The following GMDS variants were observed in gnomAD, a reference collection of about 807,000 sequenced individuals.
GMDS encodes the protein GDP-mannose 4,6 dehydratase.
A neutral mutation model predicts 49.9 loss-of-function variants in GMDS; 20 were observed. The observed-to-expected ratio is 0.40, with a 90% CI of 0.28 to 0.58. GMDS has a LOEUF of 0.58. Ranked by LOEUF, GMDS falls within the 20% of genes least tolerant of loss-of-function variation. The probability of loss-of-function intolerance (pLI) is 0.42; values close to 1 mark genes in which losing one functional copy is unlikely to be tolerated. For missense variants in GMDS, 362 were observed against 481.4 expected, an observed-to-expected ratio of 0.75 and a Z score of 2.32; for synonymous variants, 177 against 178.6, an observed-to-expected ratio of 0.99 and a Z score of 0.07.
chr6:1,713,154 T>C (rs1490223681), intron 9 of GMDS, among the ~76,000 whole-genome samples: 2 of 152,254 alleles, frequency 1.3e-5, no homozygotes, highest in Non-Finnish European at 2.9e-5. Flanking sequence ...CTCTGTTTTA[T>C]GTTTTGCCAA....
At chr6:2,049,115 C>T (rs764498395) in intron 4 of GMDS, among the ~76,000 whole-genome samples, 41 of 152,286 alleles carry the variant, frequency 2.7e-4, no homozygotes, top group African/African-American at 5.8e-4. Context: ...TGTGACTTCC[C>T]GGCCTCCAGA....
chr6:2,120,313 G>GGA (rs1775071133), intron 2 of GMDS, among the ~76,000 whole-genome samples: 1 of 152,028 alleles, frequency 6.6e-6, no homozygotes, highest in Non-Finnish European at 1.5e-5. Context: ...ACTCAGTATA[G>GGA]TTTCAACATG....
intron 7 of GMDS, among the ~76,000 whole-genome samples, chr6:1,851,223 T>C (rs900612640): frequency 6.6e-6 from 1 of 152,206 alleles, no homozygotes; most frequent in African/African-American, 2.4e-5. Context: ...TTTAGAAAAC[T>C]TGTATGTTTG....
At position 1,969,226 on chromosome 6, in the gene GMDS, C is replaced by T. The variant is rs1265308350; in HGVS notation, c.346-8260G>A. ...GCAGTGAGCTGAGATTGTGCCACTG[C>T]ACTCCAGCCTGGGTGACAGAGTGAG... On this transcript the variant is annotated intron_variant, in intron 4 of 10. Coordinates refer to ENST00000380815, the MANE Select transcript of GMDS (RefSeq NM_001500.4). Among the ~76,000 whole-genome samples, 20 of 115,820 alleles carry T rather than the reference C, an allele frequency of 1.7e-4. No homozygotes were observed. The South Asian group carries it at 4.4e-3, about 26-fold the overall frequency. The allele number at this position is 115,820 out of a possible 152,430, so 76.0% of individuals were successfully genotyped here. A position where few individuals can be genotyped will look rare whatever the true frequency, so the allele number is the denominator to read the frequency against.
intron 7 of GMDS, among the ~76,000 whole-genome samples, chr6:1,758,557 T>G (rs940524716): frequency 6.6e-6 from 1 of 152,212 alleles, no homozygotes; most frequent in Non-Finnish European, 1.5e-5. Context: ...AGGCTAGAAG[T>G]GTGCACTGCA....
At chr6:1,717,424 T>C (rs148272520) in intron 9 of GMDS, 1 of 152,366 alleles carries the variant, frequency 6.6e-6, no homozygotes, top group African/African-American at 2.4e-5. Flanking sequence ...GGCTGCTCTC[T>C]AGCCTACTGG....
At chr6:1,907,871 C>T (rs542264666) in intron 7 of GMDS, among the ~76,000 whole-genome samples, 4 of 152,140 alleles carry the variant, frequency 2.6e-5, no homozygotes, top group Non-Finnish European at 5.9e-5. Context: ...TTCCAAAGTC[C>T]CCGGTGGATA....
intron 2 of GMDS, among the ~76,000 whole-genome samples, chr6:2,118,638 A>G (rs1254195121): frequency 6.6e-6 from 1 of 152,224 alleles, no homozygotes; most frequent in Non-Finnish European, 1.5e-5. Flanking sequence ...CGAAGGATAC[A>G]ACACACCCAC....
intron 7 of GMDS, among the ~76,000 whole-genome samples, chr6:1,927,098 G>A (rs926417940): frequency 6.1e-5 from 8 of 130,186 alleles, no homozygotes; most frequent in Admixed American, 7.9e-5. Context: ...TTTTTATTCA[G>A]AGGGTAGCGT....
At chr6:2,204,939 T>C (rs983267955) in intron 1 of GMDS, among the ~76,000 whole-genome samples, 5 of 152,220 alleles carry the variant, frequency 3.3e-5, no homozygotes, top group Admixed American at 2.6e-4. Flanking sequence ...ATGAATACCA[T>C]TTGTTTCTGT....
intron 4 of GMDS, among the ~76,000 whole-genome samples, chr6:1,967,833 C>T (rs1764356051): frequency 6.6e-6 from 1 of 152,080 alleles, no homozygotes; most frequent in Non-Finnish European, 1.5e-5. Flanking sequence ...AAACAGATAC[C>T]CAAAGAATTG....
intron 9 of GMDS, among the ~76,000 whole-genome samples, chr6:1,644,932 T>C (rs79420634): frequency 9.1e-6 from 1 of 109,764 alleles, no homozygotes; most frequent in African/African-American, 4.9e-5. Context: ...CTCTGGTCCT[T>C]TTTTTTTTTT....
chr6:1,917,238 C>T (rs1320153474), intron 7 of GMDS, among the ~76,000 whole-genome samples: 1 of 152,124 alleles, frequency 6.6e-6, no homozygotes, highest in Non-Finnish European at 1.5e-5. Context: ...AAAAATCTCA[C>T]AAGAATGACT....
chr6:2,019,032 A>G (rs1203051655), intron 4 of GMDS, among the ~76,000 whole-genome samples: 1 of 151,954 alleles, frequency 6.6e-6, no homozygotes, highest in Non-Finnish European at 1.5e-5. Flanking sequence ...ACCCCAGTAG[A>G]TGTGAAATGT....
At chr6:1,724,981 A>G (rs547468615) in intron 9 of GMDS, among the ~76,000 whole-genome samples, 1 of 152,318 alleles carries the variant, frequency 6.6e-6, no homozygotes, top group African/African-American at 2.4e-5. Context: ...CATGAAATAC[A>G]GTTTTTTCCT....
intron 9 of GMDS, among the ~76,000 whole-genome samples, chr6:1,644,930 CTTTTT>C (rs754544147): frequency 7.3e-6 from 1 of 136,264 alleles, no homozygotes; most frequent in Non-Finnish European, 1.6e-5. Flanking sequence ...GACTCTGGTC[CTTTTT>C]TTTTTTTTTT....
chr6:2,063,746 C>A (rs928872481), intron 4 of GMDS, among the ~76,000 whole-genome samples: 6 of 152,126 alleles, frequency 3.9e-5, no homozygotes, highest in Admixed American at 2.0e-4. Flanking sequence ...GTCTCGGCAG[C>A]CCTAAATAAT....
chr6:2,016,067 T>TA (rs551256530), intron 4 of GMDS, among the ~76,000 whole-genome samples: 1,717 of 123,006 alleles, frequency 0.014, 38 homozygotes, highest in African/African-American at 0.052. Flanking sequence ...ACCCTGTTTC[T>TA]AAAAAAAAAA....
chr6:1,971,901 T>C (rs1460842544), intron 4 of GMDS, among the ~76,000 whole-genome samples: 1 of 152,224 alleles, frequency 6.6e-6, no homozygotes, highest in Non-Finnish European at 1.5e-5. Context: ...GCTCTTGCTT[T>C]TTTTCTAAGG....
Sources: gnomAD v4.1 joint callset for allele counts (sites outside exome capture counted in the v4.1 genomes callset) on GRCh38, gnomAD v4.1.1 for gene constraint, MANE v1.5 for transcripts, NCBI Gene and HGNC (gene_info 2026-07-23, HGNC 2026-07-21) for gene names.